The following BAZ1A variants were observed in gnomAD, a reference collection of about 807,000 sequenced individuals.
BAZ1A encodes the protein bromodomain adjacent to zinc finger domain protein 1A.
In BAZ1A, 50 loss-of-function variants were observed where a neutral mutation model predicts 185.2. That is an observed-to-expected ratio of 0.27 (90% confidence interval 0.22 to 0.34). BAZ1A has a LOEUF of 0.34. Among genes scored for constraint, BAZ1A ranks in the 10% least tolerant of loss-of-function variants. The pLI, the probability that BAZ1A is intolerant of heterozygous loss-of-function variation, is 1.00. For synonymous variants in BAZ1A, 571 were observed against 615.6 expected (o/e 0.93, Z 1.07); for missense variants, 1,356 against 1,839.9 (o/e 0.74, Z 4.81).
At chr14:34,764,575 A>C in intron 23 of BAZ1A, 132 bp downstream of exon 23, 1 of 1,266,794 alleles carries the variant, frequency 7.9e-7, no homozygotes, top group Non-Finnish European at 1.1e-6. Flanking sequence ...TATAGGCATA[A>C]GCTACCGTGT....
intron 2 of BAZ1A, among the ~76,000 whole-genome samples, chr14:34,866,445 AC>A (rs1364517273): frequency 7.1e-5 from 10 of 140,622 alleles, no homozygotes; most frequent in African/African-American, 2.6e-4. Context: ...CCAAGATCGC[AC>A]CATTGCACTC....
rs781351394 is a variant in BAZ1A at position 34,764,833 on chromosome 14, T to C, written c.3650A>G (p.Asp1217Gly). The change falls in exon 23 of 27, where the codon GAT (aspartate) becomes GGT (glycine). Residue 1217 changes from aspartate to glycine, a missense_variant. Coordinates refer to ENST00000360310, the MANE Select transcript of BAZ1A (RefSeq NM_013448.3). ...RQRPSLESDE[D>G]VEDSMGGEDD... is the part of the protein sequence containing the mutation. ...CTCACCTCCCATACTGTCTTCCACA[T>C]CTTCATCACTTTCCAAGGATGGTCT... 6.2e-7 allele frequency: 1 copy of C among 1,614,136 alleles called. No individual in the cohort carries two copies. The highest frequency in any genetic ancestry group is 1.7e-5 in the Admixed American group (1 of 60,016).
chr14:34,774,706 T>G (rs894089250), intron 18 of BAZ1A, among the ~76,000 whole-genome samples: 1 of 151,968 alleles, frequency 6.6e-6, no homozygotes, highest in African/African-American at 2.4e-5. Context: ...AGCCCAGGAG[T>G]TTGAATCTGC....
At chr14:34,771,363 T>G (rs1566551169) in intron 21 of BAZ1A, 148 bp downstream of exon 21, 1 of 783,840 alleles carries the variant, frequency 1.3e-6, no homozygotes, top group Non-Finnish European at 2.0e-6. Context: ...AAATCTCACC[T>G]TAAAAGAACT....
At chr14:34,849,038 C>T (rs890380717) in intron 3 of BAZ1A, among the ~76,000 whole-genome samples, 1 of 152,150 alleles carries the variant, frequency 6.6e-6, no homozygotes, top group Admixed American at 6.5e-5. Flanking sequence ...GTGGCTCACA[C>T]TTATAATCCC....
intron 21 of BAZ1A, chr14:34,768,672 A>C (rs1466890814): frequency 2.6e-6 from 1 of 382,476 alleles, no homozygotes; most frequent in East Asian, 7.9e-5. Context: ...AAATTTCTTT[A>C]AAAAGTTAAA....
intron 4 of BAZ1A, among the ~76,000 whole-genome samples, chr14:34,823,333 GAC>G (rs2042115280): frequency 1.3e-5 from 2 of 148,860 alleles, no homozygotes; most frequent in African/African-American, 5.0e-5. Context: ...CAGCCTGGGC[GAC>G]AGAGTGAGAC....
chr14:34,797,717 C>T (rs1366856664), intron 9 of BAZ1A, among the ~76,000 whole-genome samples: 1 of 152,196 alleles, frequency 6.6e-6, no homozygotes, highest in Non-Finnish European at 1.5e-5. Flanking sequence ...ACGGCCGGTC[C>T]AGTCTGCAGC....
chr14:34,773,839 T>A, intron 19 of BAZ1A, 113 bp from the exon 20 acceptor site: 1 of 1,139,076 alleles, frequency 8.8e-7, no homozygotes, highest in Non-Finnish European at 1.2e-6. Context: ...GAAATGATTA[T>A]GAATCAAAAA....
intron 2 of BAZ1A, among the ~76,000 whole-genome samples, chr14:34,865,431 C>T (rs888387739): frequency 6.6e-6 from 1 of 152,026 alleles, no homozygotes; most frequent in Non-Finnish European, 1.5e-5. Flanking sequence ...TTACTTCTCC[C>T]GTCATTCTAA....
rs1223854269 is a variant in BAZ1A, at chr14:34,757,815, C to T, written c.4386+889G>A. ...AGTGTGGACTGCAATGGCGCGATCT[C>T]GGCTCACTGCAACTTCTGCCTCCCG... On this transcript the variant is annotated intron_variant, in intron 25 of 26. Coordinates refer to ENST00000360310, the MANE Select transcript of BAZ1A (RefSeq NM_013448.3). 9.4e-5 allele frequency among the ~76,000 whole-genome samples: 14 copies of T among 149,336 alleles called. No homozygotes were observed. In the East Asian group the frequency reaches 2.4e-3, roughly 26 times the overall value.
intron 25 of BAZ1A, among the ~76,000 whole-genome samples, chr14:34,755,153 G>A (rs1305984310): frequency 6.6e-6 from 1 of 151,512 alleles, no homozygotes; most frequent in African/African-American, 2.4e-5. Flanking sequence ...GTTGTGACCA[G>A]AAGAAAAAAA....
chr14:34,854,278 C>T (rs2042640903), intron 3 of BAZ1A, among the ~76,000 whole-genome samples: 1 of 151,940 alleles, frequency 6.6e-6, no homozygotes, highest in East Asian at 1.9e-4. Context: ...AAAAATTAGC[C>T]GGTCATGGTG....
chr14:34,857,390 C>A (rs1420421773), intron 3 of BAZ1A, among the ~76,000 whole-genome samples: 1 of 152,106 alleles, frequency 6.6e-6, no homozygotes, highest in African/African-American at 2.4e-5. Flanking sequence ...GGCTCACTTG[C>A]ATTCCTGGGC....
chr14:34,774,218 G>T, intron 19 of BAZ1A, 109 bp downstream of exon 19: 1 of 777,022 alleles, frequency 1.3e-6, no homozygotes, highest in Non-Finnish European at 1.9e-6. Context: ...TCATTCTCTG[G>T]TGTTTATTCA....
Position 34,862,988 on chromosome 14 carries a change from C to CTT in BAZ1A, c.114-668_114-667dup, listed in dbSNP as rs372555589. Among the ~76,000 whole-genome samples the CTT allele has an allele frequency of 2.8e-3, 338 of 119,720 alleles. 6 individuals carry two copies. Among genetic ancestry groups the CTT allele is most frequent in the South Asian group, 0.011 (39 of 3,662 alleles). 78.5% of individuals were successfully genotyped at this position (119,720 alleles called of 152,430 possible). A position where few individuals can be genotyped will look rare whatever the true frequency, so the allele number is the denominator to read the frequency against. ...TTTTCAAAAACTCTATCCACTCTCT[C>CTT]TTTTTTTTTTTTTTTTTTGAGACGG... On this transcript the variant is annotated intron_variant, in intron 2 of 26. Transcript: ENST00000360310.
intron 21 of BAZ1A, among the ~76,000 whole-genome samples, chr14:34,767,018 C>G (rs1878891794): frequency 6.6e-6 from 1 of 152,110 alleles, no homozygotes; most frequent in South Asian, 2.1e-4. Context: ...AAAACAGAGG[C>G]AAAAACACAG....
At chr14:34,840,765 AAAC>A (rs1399243321) in intron 3 of BAZ1A, among the ~76,000 whole-genome samples, 4 of 20,510 alleles carry the variant, frequency 2.0e-4, no homozygotes, top group Non-Finnish European at 3.9e-4. Context: ...TCCCCCCCAA[AAAC>A]AAACAAACAA....
In BAZ1A at chr14:34,874,649, C is replaced by T. The variant is rs1310238012; in HGVS notation, c.-45G>A. 1.3e-6 allele frequency: 2 copies of T among 1,500,690 alleles called. No homozygotes were observed. The highest frequency in any genetic ancestry group is 1.4e-5 in the African/African-American group (1 of 70,048). The allele number at this position is 1,500,690 out of a possible 1,614,324, so 93.0% of individuals were successfully genotyped here. The stretch of plus-strand genomic sequence containing the variant: ...TCGCCTGGACCCTCGGCCGCCCGCG[C>T]CGGCCCCGCTTCCCTATCAAAATTG... On this transcript the variant is annotated 5_prime_UTR_variant, in exon 2 of 27. Transcript: ENST00000360310. The surrounding 1 kb of genome is among the most constrained non-coding windows in gnomAD (Gnocchi z 4.7).
Sources: allele counts gnomAD v4.1 joint callset (sites outside exome capture counted in the v4.1 genomes callset), GRCh38; gene constraint gnomAD v4.1.1; non-coding constraint Gnocchi (gnomAD v3.1); transcripts MANE v1.5; gene names NCBI Gene and HGNC (gene_info 2026-07-23, HGNC 2026-07-21).